Variants in TSNARE1 observed in about 807,000 individuals in gnomAD.
TSNARE1 encodes t-SNARE domain containing 1.
Under a neutral mutation model 62.0 loss-of-function variants are expected in TSNARE1, and 49 were observed. The ratio of observed to expected loss-of-function variants is 0.79; its 90% confidence interval spans 0.63 to 1.00. The LOEUF (loss-of-function observed/expected upper bound fraction) is 1.00, where lower values mean the gene tolerates loss of function less well. Ranked by LOEUF, TSNARE1 falls within the 50% of genes least tolerant of loss-of-function variation. The probability of loss-of-function intolerance (pLI) is 0.00; values close to 1 mark genes in which losing one functional copy is unlikely to be tolerated. For missense variants in TSNARE1, 755 were observed against 700.1 expected, an observed-to-expected ratio of 1.08 and a Z score of -0.88; for synonymous variants, 328 against 294.4, an observed-to-expected ratio of 1.11 and a Z score of -1.17.
intron 10 of TSNARE1, among the ~76,000 whole-genome samples, chr8:142,290,246 C>T (rs1032638155): frequency 4.0e-5 from 6 of 151,810 alleles, no homozygotes; most frequent in Admixed American, 2.0e-4. Flanking sequence ...GGGACTGCCC[C>T]GGATGGAGCC....
intron 1 of TSNARE1, among the ~76,000 whole-genome samples, chr8:142,359,416 G>A (rs1361319170): frequency 2.6e-5 from 4 of 152,142 alleles, no homozygotes; most frequent in South Asian, 4.1e-4. Flanking sequence ...AGGCCAGATC[G>A]GAAACCCTGT....
chr8:142,321,029 A>C (rs1289129830), intron 6 of TSNARE1, among the ~76,000 whole-genome samples: 2 of 152,188 alleles, frequency 1.3e-5, no homozygotes, highest in African/African-American at 2.4e-5. Context: ...AAAGTGAACA[A>C]GGCCTCCTTA....
intron 11 of TSNARE1, among the ~76,000 whole-genome samples, chr8:142,282,407 G>T (rs1431925256): frequency 2.0e-5 from 3 of 149,096 alleles, no homozygotes; most frequent in Non-Finnish European, 4.5e-5. Context: ...TGATCAGGGT[G>T]GGGCCAGTGT....
chr8:142,273,295 G>A (rs1819900931), intron 12 of TSNARE1: 1 of 985,332 alleles, frequency 1.0e-6, no homozygotes, highest in Non-Finnish European at 1.2e-6. Flanking sequence ...GGGTCATCTT[G>A]CTGGCTGGCT....
At chr8:142,255,853 A>T (rs899551937) in intron 12 of TSNARE1, among the ~76,000 whole-genome samples, 1 of 118,372 alleles carries the variant, frequency 8.4e-6, no homozygotes, top group Non-Finnish European at 1.9e-5. Flanking sequence ...CATCACCACC[A>T]CCATCACCAT....
rs140978653 is a variant in TSNARE1, at chr8:142,329,786, C to T, written c.893+1115G>A. Among the ~76,000 whole-genome samples, 62 of 152,312 alleles carry T rather than the reference C, an allele frequency of 4.1e-4. 3 individuals are homozygous for T. The highest frequency in any genetic ancestry group is 1.5e-3 in the African/African-American group (61 of 41,574). On this transcript the variant is annotated intron_variant, in intron 6 of 13. Coordinates refer to ENST00000524325, the MANE Select transcript of TSNARE1 (RefSeq NM_145003.5). ...CTGCGTCCAAATTCCCTATCATGAG[C>T]CTACGTCACTGTCACATCAGAAAAC...
rs1007437127 is a variant in TSNARE1, at chr8:142,291,952, G to A, written c.1291-7467C>T. ...GCTGCCTCTCCCGTGGACGGTCACAGCAACGCACGCCCCCCCCGGCCCCCC... is the reference window on the plus strand; with the variant it reads ...GCTGCCTCTCCCGTGGACGGTCACAACAACGCACGCCCCCCCCGGCCCCCC... On this transcript the variant is annotated intron_variant, in intron 10 of 13. Transcript: ENST00000524325. This position sits in a 1 kb window ranked among gnomAD's most constrained non-coding sequence, Gnocchi z 4.8. Among the ~76,000 whole-genome samples, 1 of 151,924 alleles carries A rather than the reference G, an allele frequency of 6.6e-6. No individual in the cohort carries two copies. The highest frequency in any genetic ancestry group is 2.1e-4 in the South Asian group (1 of 4,814).
intron 9 of TSNARE1, among the ~76,000 whole-genome samples, chr8:142,304,654 G>A (rs1300071193): frequency 6.6e-6 from 1 of 152,182 alleles, no homozygotes; most frequent in Non-Finnish European, 1.5e-5. Flanking sequence ...CACTTCCAGG[G>A]GATGGAGCTG....
At position 142,383,033 on chromosome 8, in the gene TSNARE1, C is replaced by CA. The variant is rs1432364945; in HGVS notation, c.-40+20070_-40+20071insT. Among the ~76,000 whole-genome samples, 5 of 152,042 alleles carry CA rather than the reference C, an allele frequency of 3.3e-5. No individual in the cohort carries two copies. The East Asian group carries it at 9.7e-4, about 30-fold the overall frequency. On this transcript the variant is annotated intron_variant, in intron 1 of 13. Coordinates refer to ENST00000524325, the MANE Select transcript of TSNARE1 (RefSeq NM_145003.5). ...AGGGGCCTCAAGAGAAGGTGGGGAC[C>CA]CTCTCTGGAGAAGGGCACAGGGACC...
chr8:142,297,824 T>A (rs1825023808), intron 10 of TSNARE1, among the ~76,000 whole-genome samples: 1 of 152,288 alleles, frequency 6.6e-6, no homozygotes, highest in African/African-American at 2.4e-5. Context: ...GTTTTGTTTT[T>A]CCCGTTTTCA....
chr8:142,231,314 T>C (rs1384028582), intron 12 of TSNARE1, among the ~76,000 whole-genome samples: 1 of 152,174 alleles, frequency 6.6e-6, no homozygotes, highest in Non-Finnish European at 1.5e-5. Context: ...GGCTTCACAG[T>C]GTGTGGCAGA....
At chr8:142,326,581 G>A (rs1197713388) in intron 6 of TSNARE1, among the ~76,000 whole-genome samples, 2 of 138,022 alleles carry the variant, frequency 1.4e-5, no homozygotes, top group African/African-American at 2.8e-5. Flanking sequence ...CGGAGAGCAC[G>A]AGACAGATGA....
chr8:142,256,080 C>A lies in TSNARE1; in HGVS notation c.1446+18701G>T, dbSNP rs1310163196. The stretch of plus-strand genomic sequence containing the variant: ...TCACCACCACCATCACCATCACCAC[C>A]ACCACCACCACTGTCAGCATCACCA... On this transcript the variant is annotated intron_variant, in intron 12 of 13. Coordinates refer to ENST00000524325, the MANE Select transcript of TSNARE1 (RefSeq NM_145003.5). Among the ~76,000 whole-genome samples the A allele has an allele frequency of 5.8e-4, 20 of 34,446 alleles. 1 individual carries two copies. Among genetic ancestry groups the A allele is most frequent in the Non-Finnish European group, 2.1e-3 (19 of 8,992 alleles). The allele number at this position is 34,446 out of a possible 152,430, so 22.6% of individuals were successfully genotyped here.
chr8:142,227,016 C>A (rs77944136), intron 13 of TSNARE1, among the ~76,000 whole-genome samples: 2,574 of 90,356 alleles, frequency 0.028, 29 homozygotes, highest in East Asian at 0.072. Context: ...CAGTGACAGC[C>A]AAGCCCCCCA....
At chr8:142,280,471 T>A (rs73366671) in intron 11 of TSNARE1, 7,882 of 313,390 alleles carry the variant, frequency 0.025, 595 homozygotes, top group African/African-American at 0.17. Flanking sequence ...ACATCCACTA[T>A]ACAGGGGCCC....
intron 4 of TSNARE1, among the ~76,000 whole-genome samples, chr8:142,337,588 C>T (rs1336468573): frequency 6.6e-6 from 1 of 152,232 alleles, no homozygotes; most frequent in Non-Finnish European, 1.5e-5. Flanking sequence ...CGGGGAGTGC[C>T]GTCCTGTCAC....
At chr8:142,223,271 T>TTCAC (rs150738366) in intron 13 of TSNARE1, among the ~76,000 whole-genome samples, 34,698 of 56,270 alleles carry the variant, frequency 0.62, 13,346 homozygotes, top group Non-Finnish European at 0.74. Context: ...CACTCACTCA[T>TTCAC]TCAGTCACTC....
rs147614871 is a variant in TSNARE1, at chr8:142,219,321, G to A, written c.*12-7008C>T. Among the ~76,000 whole-genome samples the A allele has an allele frequency of 3.0e-3, 464 of 152,330 alleles. 2 individuals carry two copies. Among genetic ancestry groups the A allele is most frequent in the African/African-American group, 0.01 (434 of 41,578 alleles). Reference sequence around the variant, plus strand: ...GGAGAGAAGGATGGCAGGAGATGACGAGGAGGGAGGGGAGGAGGAAGGGAG... The same window carrying A: ...GGAGAGAAGGATGGCAGGAGATGACAAGGAGGGAGGGGAGGAGGAAGGGAG... On this transcript the variant is annotated intron_variant, in intron 13 of 13. Transcript: ENST00000524325.
At chr8:142,358,969 TC>T (rs1834951310) in intron 1 of TSNARE1, among the ~76,000 whole-genome samples, 1 of 151,862 alleles carries the variant, frequency 6.6e-6, no homozygotes, top group Non-Finnish European at 1.5e-5. Flanking sequence ...ACCCAAGGTC[TC>T]TGGGAGCTGG....
Sources: gnomAD v4.1 joint callset for allele counts (sites outside exome capture counted in the v4.1 genomes callset) on GRCh38, gnomAD v4.1.1 for gene constraint, Gnocchi (gnomAD v3.1) non-coding constraint, MANE v1.5 for transcripts, NCBI Gene and HGNC (gene_info 2026-07-23, HGNC 2026-07-21) for gene names.